BEND6: variants seen among roughly 807,000 people sequenced by gnomAD.
The protein encoded by BEND6 is BEN domain-containing protein 6.
BEND6 carries 24 observed loss-of-function variants against 31.8 expected under a neutral mutation model. The observed-to-expected ratio is 0.75, with a 90% CI of 0.55 to 1.06. The LOEUF is 1.06. Ranked by LOEUF, BEND6 falls within the 50% of genes least tolerant of loss-of-function variation. The pLI is 0.00. For synonymous variants in BEND6, 109 were observed against 114.6 expected (o/e 0.95, Z 0.31); for missense variants, 294 against 327.4 (o/e 0.90, Z 0.79).
At chr6:56,991,603 CA>C (rs1264385676) in intron 2 of BEND6, among the ~76,000 whole-genome samples, 4 of 152,068 alleles carry the variant, frequency 2.6e-5, no homozygotes, top group Non-Finnish European at 4.4e-5. Context: ...TCAGGTGATC[CA>C]CCCTCCTTGG....
intron 3 of BEND6, among the ~76,000 whole-genome samples, chr6:57,000,134 T>G (rs1046123592): frequency 2.7e-4 from 40 of 150,840 alleles, no homozygotes; most frequent in Non-Finnish European, 2.1e-4. Flanking sequence ...TGATGGCGGT[T>G]TTGTCGAAAA....
chr6:56,983,871 A>G (rs1357666592), intron 2 of BEND6, among the ~76,000 whole-genome samples: 4 of 152,186 alleles, frequency 2.6e-5, no homozygotes, highest in African/African-American at 9.7e-5. Flanking sequence ...TGCCTCCAGC[A>G]TCTTGCTACC....
chr6:57,016,600 A>G (rs967363426), intron 4 of BEND6, among the ~76,000 whole-genome samples: 6 of 152,170 alleles, frequency 3.9e-5, no homozygotes, highest in African/African-American at 1.4e-4. Context: ...TTCACAGCCC[A>G]CTTCGGCCAT....
intron 1 of BEND6, chr6:56,975,555 C>G: frequency 3.6e-6 from 1 of 275,502 alleles, no homozygotes; most frequent in South Asian, 5.0e-5. Context: ...TTTAAAACTT[C>G]ATTGACAGGA....
At chr6:56,972,234 A>G (rs932827189) in intron 1 of BEND6, among the ~76,000 whole-genome samples, 2 of 151,730 alleles carry the variant, frequency 1.3e-5, no homozygotes, top group African/African-American at 4.8e-5. Flanking sequence ...AGCTGCGACT[A>G]AAGTCATGCG....
In BEND6 at chr6:57,010,580, T is replaced by C. The variant is rs957078697; in HGVS notation, c.299-4553T>C. On this transcript the variant is annotated intron_variant, in intron 3 of 6. Transcript: ENST00000370746. Reference sequence around the variant, plus strand: ...GATGATGCCTGTGCTTTGCATCAAATAATTTGGGGGATAAAGGGGATCAGG... The same window carrying C: ...GATGATGCCTGTGCTTTGCATCAAACAATTTGGGGGATAAAGGGGATCAGG... The C allele has an allele frequency of 1.8e-5, 11 of 615,326 alleles. No homozygotes were observed. The African/African-American group carries it at 2.2e-4, about 12-fold the overall frequency. 38.1% of individuals were successfully genotyped at this position (615,326 alleles called of 1,614,324 possible).
intron 6 of BEND6, among the ~76,000 whole-genome samples, chr6:57,021,031 C>T (rs1374949360): frequency 6.6e-6 from 1 of 152,152 alleles, no homozygotes; most frequent in African/African-American, 2.4e-5. Context: ...AAGGAACAGA[C>T]ATTTTGCTAT....
At chr6:57,020,741 A>G (rs780115084) in intron 6 of BEND6, among the ~76,000 whole-genome samples, 2 of 151,516 alleles carry the variant, frequency 1.3e-5, no homozygotes, top group Non-Finnish European at 2.9e-5. Flanking sequence ...TCTAAATGGT[A>G]TGTTACCAGA....
chr6:56,992,679 A>C (rs1826551595), intron 3 of BEND6, 124 bp downstream of exon 3: 1 of 1,075,144 alleles, frequency 9.3e-7, no homozygotes, highest in East Asian at 2.6e-5. Flanking sequence ...AAAAAATCAC[A>C]GTTTTAGAAA....
intron 3 of BEND6, among the ~76,000 whole-genome samples, chr6:57,006,573 G>A (rs1206102178): frequency 6.6e-6 from 1 of 152,114 alleles, no homozygotes; most frequent in East Asian, 1.9e-4. Context: ...TAACTATACA[G>A]TCTAAATTAA....
chr6:56,957,882 A>C (rs765266086), intron 1 of BEND6, among the ~76,000 whole-genome samples: 1 of 152,228 alleles, frequency 6.6e-6, no homozygotes. Context: ...CAAATTGGGA[A>C]TAGACACAAG....
At chr6:57,006,265 C>T (rs2127880741) in intron 3 of BEND6, among the ~76,000 whole-genome samples, 1 of 152,328 alleles carries the variant, frequency 6.6e-6, no homozygotes, top group South Asian at 2.1e-4. Context: ...CAAATGTTTG[C>T]TATCACAAGT....
At chr6:56,958,909 G>T (rs750398440) in intron 1 of BEND6, among the ~76,000 whole-genome samples, 1 of 152,134 alleles carries the variant, frequency 6.6e-6, no homozygotes, top group Non-Finnish European at 1.5e-5. Context: ...ATGAGTTGAG[G>T]GGGGAATGAA....
Position 56,973,363 on chromosome 6 carries a change from C to G in BEND6, c.-100-8348C>G, listed in dbSNP as rs112762066. ...GTCTCTCAAGTACAAGTAGTGCTCC[C>G]TTATCCACGGAAGATGCATTCTAAG... On this transcript the variant is annotated intron_variant, in intron 1 of 6. Transcript: ENST00000370746. Among the ~76,000 whole-genome samples the G allele has an allele frequency of 3.7e-3, 567 of 152,262 alleles. 5 individuals carry two copies. The highest frequency in any genetic ancestry group is 6.8e-3 in the Admixed American group (104 of 15,288).
In BEND6 at chr6:57,021,791, A is replaced by T. The variant is rs769905758; in HGVS notation, c.*9+3234A>T. On this transcript the variant is annotated intron_variant, in intron 6 of 6. Transcript: ENST00000370746. Reference sequence around the variant, plus strand: ...AATCTCTGGCGTAATGTTACATAACATATATTATAACTTATAGGTGATCTA... The same window carrying T: ...AATCTCTGGCGTAATGTTACATAACTTATATTATAACTTATAGGTGATCTA... 3.5e-4 allele frequency among the ~76,000 whole-genome samples: 54 copies of T among 152,334 alleles called. No individual in the cohort carries two copies. In the Middle Eastern group the frequency reaches 0.014, roughly 39 times the overall value.
rs1250969487 is a variant in BEND6, at chr6:57,015,132, G to A, written c.299-1G>A. Reference sequence around the variant, plus strand: ...AAGTGTACTTTTTCTTGCCATTTTAGTGTTACCACAAGCAGTCACCCAGTT... The same window carrying A: ...AAGTGTACTTTTTCTTGCCATTTTAATGTTACCACAAGCAGTCACCCAGTT... On this transcript the variant is annotated splice_acceptor_variant, in intron 3 of 6. Transcript: ENST00000370746. LOFTEE classifies it high-confidence loss of function. The A allele has an allele frequency of 6.2e-7, 1 of 1,612,960 alleles. No homozygotes were observed. Among genetic ancestry groups the A allele is most frequent in the Non-Finnish European group, 8.5e-7 (1 of 1,179,246 alleles).
chr6:56,989,543 A>G (rs1266181074), intron 2 of BEND6, among the ~76,000 whole-genome samples: 1 of 152,240 alleles, frequency 6.6e-6, no homozygotes, highest in Admixed American at 6.5e-5. Context: ...AATGCTTTCC[A>G]GAGTAGTTCT....
At position 56,982,395 on chromosome 6, in the gene BEND6, A is replaced by G. The variant is rs137940175; in HGVS notation, c.120+465A>G. 2.8e-3 allele frequency among the ~76,000 whole-genome samples: 419 copies of G among 152,266 alleles called. 2 individuals carry two copies. The East Asian group carries it at 0.036, about 13-fold the overall frequency. ...AATTGGAATGCCTCATCTGTAAGAC[A>G]TACTGTTTGTTTTTCTTTTTAGACC... On this transcript the variant is annotated intron_variant, in intron 2 of 6. Transcript: ENST00000370746.
chr6:57,002,980 A>G (rs1033586634), intron 3 of BEND6, among the ~76,000 whole-genome samples: 1 of 152,194 alleles, frequency 6.6e-6, no homozygotes, highest in Non-Finnish European at 1.5e-5. Context: ...AGAAAAAAAC[A>G]GAGAAAATCC....
Sources: gnomAD v4.1 joint callset for allele counts (sites outside exome capture counted in the v4.1 genomes callset) on GRCh38, gnomAD v4.1.1 for gene constraint, MANE v1.5 for transcripts, NCBI Gene and HGNC (gene_info 2026-07-23, HGNC 2026-07-21) for gene names.